Variants in PLA1A observed in about 807,000 individuals in gnomAD.
PLA1A encodes the protein phospholipase A1 member A.
PLA1A carries 47 observed loss-of-function variants against 49.4 expected under a neutral mutation model. The observed-to-expected ratio is 0.95, with a 90% confidence interval of 0.75 to 1.21. The LOEUF is 1.21. Among genes scored for constraint, PLA1A ranks in the 50% most tolerant of loss-of-function variants. The probability of loss-of-function intolerance (pLI) is 0.00; values close to 1 mark genes in which losing one functional copy is unlikely to be tolerated. For missense variants in PLA1A, 561 were observed against 563.9 expected (o/e 0.99, Z 0.05); for synonymous variants, 224 against 207.9 (o/e 1.08, Z -0.67).
intron 5 of PLA1A, 95 bp from the exon 6 acceptor site, chr3:119,615,917 C>A: frequency 1.4e-6 from 1 of 732,208 alleles, no homozygotes. Context: ...AGTGACGTGG[C>A]AGAGAGTGGG....
intron 5 of PLA1A, among the ~76,000 whole-genome samples, chr3:119,613,650 C>T (rs13077041): frequency 6.6e-6 from 1 of 152,178 alleles, no homozygotes; most frequent in African/African-American, 2.4e-5. Flanking sequence ...TCCCAGCACT[C>T]TGGGAGGCCA....
chr3:119,607,456 A>G (rs2082704869), intron 2 of PLA1A, among the ~76,000 whole-genome samples: 1 of 152,190 alleles, frequency 6.6e-6, no homozygotes, highest in Non-Finnish European at 1.5e-5. Flanking sequence ...TCCAATCACC[A>G]TCCTTTCTTT....
chr3:119,622,087 A>AAAGAAGAAG (rs150974548), intron 8 of PLA1A, among the ~76,000 whole-genome samples: 10 of 114,288 alleles, frequency 8.7e-5, no homozygotes, highest in African/African-American at 4.0e-4. Flanking sequence ...GTTTCTGAAG[A>AAAGAAGAAG]AAGAAGAAGA....
chr3:119,619,453 G>C lies in PLA1A; in HGVS notation c.923-110G>C, dbSNP rs1357949205. On this transcript the variant is annotated intron_variant, in intron 7 of 10. Transcript: ENST00000273371. ...CAGCACATAGTGCGTGTATGGTGTAGATGTCCGTGGAATAAATGGGTGCAT... is the reference window on the plus strand; with the variant it reads ...CAGCACATAGTGCGTGTATGGTGTACATGTCCGTGGAATAAATGGGTGCAT... 3 of 767,134 alleles carry C rather than the reference G, an allele frequency of 3.9e-6. No homozygotes were observed. In the East Asian group the frequency reaches 7.5e-5, roughly 19 times the overall value. 47.5% of individuals were successfully genotyped at this position (767,134 alleles called of 1,614,324 possible). A position where few individuals can be genotyped will look rare whatever the true frequency, so the allele number is the denominator to read the frequency against.
chr3:119,604,899 ATT>A (rs2082666176), intron 1 of PLA1A, among the ~76,000 whole-genome samples: 1 of 152,116 alleles, frequency 6.6e-6, no homozygotes, highest in African/African-American at 2.4e-5. Flanking sequence ...TATTAAAATA[ATT>A]TTTGTTATTG....
chr3:119,607,705 C>G (rs1239583794), intron 2 of PLA1A, among the ~76,000 whole-genome samples: 1 of 152,192 alleles, frequency 6.6e-6, no homozygotes, highest in Non-Finnish European at 1.5e-5. Context: ...CCTTAGGCAT[C>G]TCTCCTTGCT....
intron 6 of PLA1A, 138 bp from the exon 7 acceptor site, chr3:119,617,881 C>T (rs4688020): frequency 0.52 from 305,868 of 585,698 alleles, 83,070 homozygotes; most frequent in East Asian, 0.87. Flanking sequence ...CACTAATATT[C>T]TGAAAAAGTG....
At chr3:119,619,869 G>A (rs1031388813) in intron 8 of PLA1A, among the ~76,000 whole-genome samples, 3 of 152,196 alleles carry the variant, frequency 2.0e-5, no homozygotes, top group Non-Finnish European at 4.4e-5. Flanking sequence ...TCTACTGATC[G>A]TATTTCCTCT....
chr3:119,610,676 G>C (rs886402988), intron 4 of PLA1A, among the ~76,000 whole-genome samples: 2 of 151,830 alleles, frequency 1.3e-5, no homozygotes, highest in Non-Finnish European at 2.9e-5. Flanking sequence ...TTTTCTTGTT[G>C]ATTTGTTCAA....
At chr3:119,626,920 G>T (rs1328702531) in intron 9 of PLA1A, among the ~76,000 whole-genome samples, 1 of 152,176 alleles carries the variant, frequency 6.6e-6, no homozygotes, top group Non-Finnish European at 1.5e-5. Context: ...ACTTCTAGAA[G>T]GGTGTTTTCA....
Position 119,613,056 on chromosome 3 carries a change from T to C in PLA1A, c.602T>C (p.Val201Ala). ...PAGPEYTRASVEERLDAGDAL... is the reference protein window; with the variant it reads ...PAGPEYTRASAEERLDAGDAL... ...GGACCTGAGTACACCAGGGCCAGTG[T>C]GGAAGAGCGCTTGGATGCTGGAGAT... The change falls in exon 5 of 11, where the codon GTG (valine) becomes GCG (alanine). Residue 201 changes from valine (V) to alanine (A), a missense_variant. Val to Ala is a moderately conservative substitution (Grantham distance 64, BLOSUM62 0). Coordinates refer to ENST00000273371, the MANE Select transcript of PLA1A (RefSeq NM_015900.4). 3 of 1,608,304 alleles carry C rather than the reference T, an allele frequency of 1.9e-6. No individual in the cohort carries two copies. The highest frequency in any genetic ancestry group is 1.3e-5 in the African/African-American group (1 of 74,982).
chr3:119,619,962 C>G, intron 8 of PLA1A: 1 of 455,166 alleles, frequency 2.2e-6, no homozygotes, highest in Non-Finnish European at 4.3e-6. Context: ...TTTCTGCACT[C>G]TCATTTCCCA....
At chr3:119,622,914 C>T (rs369709400) in intron 8 of PLA1A, among the ~76,000 whole-genome samples, 1 of 152,148 alleles carries the variant, frequency 6.6e-6, no homozygotes, top group South Asian at 2.1e-4. Context: ...GCAACCTCCG[C>T]CTCTTGGGTT....
At chr3:119,598,751 G>A (rs1478343753) in intron 1 of PLA1A, 1 of 152,336 alleles carries the variant, frequency 6.6e-6, no homozygotes, top group African/African-American at 2.4e-5. Context: ...TCTGCCTGGG[G>A]TTGCTCACAT....
At chr3:119,620,139 G>T (rs1206272239) in intron 8 of PLA1A, 1 of 456,812 alleles carries the variant, frequency 2.2e-6, no homozygotes, top group Admixed American at 2.3e-5. Flanking sequence ...GGATGCTGGT[G>T]ATTGTAACGA....
chr3:119,611,129 G>A (rs1037479776), intron 4 of PLA1A, among the ~76,000 whole-genome samples: 3 of 152,120 alleles, frequency 2.0e-5, no homozygotes, highest in Non-Finnish European at 4.4e-5. Flanking sequence ...ACGGCTGTAG[G>A]AGTGCTTCTT....
In PLA1A at chr3:119,624,441, A is replaced by G. The variant is rs188984363; in HGVS notation, c.1013-683A>G. On this transcript the variant is annotated intron_variant, in intron 8 of 10. Coordinates refer to ENST00000273371, the MANE Select transcript of PLA1A (RefSeq NM_015900.4). Reference sequence around the variant, plus strand: ...AACTCGGAGGGGACACAAACAAAAGATAGCCGTATATGATAGATGCATTTT... The same window carrying G: ...AACTCGGAGGGGACACAAACAAAAGGTAGCCGTATATGATAGATGCATTTT... 2.0e-3 allele frequency among the ~76,000 whole-genome samples: 299 copies of G among 152,324 alleles called. 3 individuals are homozygous for G. The highest frequency in any genetic ancestry group is 0.013 in the Admixed American group (202 of 15,310).
At position 119,606,792 on chromosome 3, in the gene PLA1A, C is replaced by A. The variant is rs780493552; in HGVS notation, c.92C>A (p.Pro31Gln). 5.6e-6 allele frequency: 9 copies of A among 1,613,986 alleles called. No homozygotes were observed. The highest frequency in any genetic ancestry group is 7.6e-6 in the Non-Finnish European group (9 of 1,179,994). Residue 31 changes from proline (P) to glutamine (Q), a missense_variant, in exon 2 of 11, where the codon CCA (proline) becomes CAA (glutamine). Physicochemically the swap from Pro to Gln is moderately conservative, Grantham distance 76 (BLOSUM62 -1). Transcript: ENST00000273371. ...CCTCCAGGGGATGCACCTCCTACCC[C>A]ACAGCCAAAGTGCGCTGACTTCCAG... is the stretch of plus-strand genomic sequence containing the variant. ...VGSSGDAPPTPQPKCADFQSA... is the reference protein window; with the variant it reads ...VGSSGDAPPTQQPKCADFQSA...
intron 4 of PLA1A, among the ~76,000 whole-genome samples, chr3:119,612,411 A>G (rs757600882): frequency 3.3e-5 from 5 of 152,334 alleles, no homozygotes; most frequent in Non-Finnish European, 5.9e-5. Context: ...GAAGAAATTT[A>G]GCTATTGTTA....
Sources: gnomAD v4.1 joint callset for allele counts (sites outside exome capture counted in the v4.1 genomes callset) on GRCh38, gnomAD v4.1.1 for gene constraint, MANE v1.5 for transcripts, NCBI Gene and HGNC (gene_info 2026-07-23, HGNC 2026-07-21) for gene names.